Variants in ANKRD29 observed in about 807,000 individuals in gnomAD.
ANKRD29 encodes the protein ankyrin repeat domain-containing protein 29.
ANKRD29 carries 32 observed loss-of-function variants against 38.0 expected under a neutral mutation model. That is an observed-to-expected ratio of 0.84 (90% CI 0.64 to 1.13). The LOEUF (loss-of-function observed/expected upper bound fraction) is 1.13, where lower values mean the gene tolerates loss of function less well. ANKRD29 is among the 50% of genes most tolerant of loss of function. ANKRD29 has a pLI of 0.00. For missense variants in ANKRD29, 357 were observed against 377.9 expected (o/e 0.94, Z 0.46); for synonymous variants, 135 against 152.4 (o/e 0.89, Z 0.84).
At chr18:23,616,307 T>C (rs529634439) in intron 8 of ANKRD29, among the ~76,000 whole-genome samples, 1 of 149,414 alleles carries the variant, frequency 6.7e-6, no homozygotes, top group South Asian at 2.1e-4. Flanking sequence ...GGCAGGAGGA[T>C]TGCTTAAGGC....
chr18:23,601,125 C>CTTT lies in ANKRD29; in HGVS notation c.*98_*100dup. On this transcript the variant is annotated 3_prime_UTR_variant, in exon 10 of 10. Transcript: ENST00000592179. ...CCCACAGGATGGGCATTCTGGGCAT[C>CTTT]TTTTTTTTTCATAAAAGAATTTCCA... The CTTT allele has an allele frequency of 9.4e-7, 1 of 1,064,478 alleles. No individual in the cohort carries two copies. The highest frequency in any genetic ancestry group is 1.4e-6 in the Non-Finnish European group (1 of 732,070). 65.9% of individuals were successfully genotyped at this position (1,064,478 alleles called of 1,614,324 possible).
chr18:23,633,938 A>T, intron 5 of ANKRD29, 113 bp downstream of exon 5: 1 of 1,043,576 alleles, frequency 9.6e-7, no homozygotes, highest in Non-Finnish European at 1.5e-6. Context: ...CTCAGACCCA[A>T]GTCCTACTGT....
At chr18:23,653,829 C>T (rs2060241897) in intron 1 of ANKRD29, among the ~76,000 whole-genome samples, 1 of 152,072 alleles carries the variant, frequency 6.6e-6, no homozygotes, top group Admixed American at 6.5e-5. Flanking sequence ...CCTCAGCCTC[C>T]CAAAGTGCTG....
At chr18:23,623,045 G>T (rs1378976082) in intron 6 of ANKRD29, among the ~76,000 whole-genome samples, 1 of 152,212 alleles carries the variant, frequency 6.6e-6, no homozygotes, top group Non-Finnish European at 1.5e-5. Flanking sequence ...GCTTCGCAGA[G>T]ATAAGTGAGA....
At chr18:23,629,830 C>G in intron 6 of ANKRD29, 23 bp downstream of exon 6, 1 of 1,607,700 alleles carries the variant, frequency 6.2e-7, no homozygotes, top group Non-Finnish European at 8.5e-7. Flanking sequence ...TGTGCTCGGG[C>G]AAATGTCAAC....
rs1240265836 is a variant in ANKRD29, at chr18:23,619,581, C to T, written c.577G>A (p.Val193Met). Residue 193 changes from valine to methionine, a missense_variant, in exon 7 of 10, where the codon GTG becomes ATG. By Grantham distance (21) the Val-to-Met change is conservative. Transcript: ENST00000592179. ...CCGCGCAGCAGCATCACCCGCACCA[C>T]CTCGCTGTGGCCCATCTGGGACGCG... ...WIASQMGHSE[V>M]VRVMLLRGAD... The T allele has an allele frequency of 2.5e-6, 4 of 1,597,664 alleles. No homozygotes were observed. The Admixed American group carries it at 5.0e-5, about 20-fold the overall frequency.
chr18:23,613,749 G>A (rs538089424), intron 8 of ANKRD29, among the ~76,000 whole-genome samples: 4 of 151,438 alleles, frequency 2.6e-5, no homozygotes, highest in East Asian at 2.0e-4. Context: ...ACAGGCGCCC[G>A]CCACACACCC....
chr18:23,636,584 A>C (rs1235865874), intron 4 of ANKRD29, among the ~76,000 whole-genome samples: 1 of 151,306 alleles, frequency 6.6e-6, no homozygotes, highest in Non-Finnish European at 1.5e-5. Context: ...TTAATTAAAA[A>C]AATTTTTTTT....
At chr18:23,638,122 T>C (rs1210795998) in intron 4 of ANKRD29, among the ~76,000 whole-genome samples, 1 of 149,868 alleles carries the variant, frequency 6.7e-6, no homozygotes, top group Admixed American at 6.8e-5. Flanking sequence ...CTCAGCCTCC[T>C]GAGTAGCTGG....
intron 4 of ANKRD29, among the ~76,000 whole-genome samples, chr18:23,635,591 T>G (rs1419994995): frequency 2.0e-5 from 3 of 152,230 alleles, no homozygotes; most frequent in African/African-American, 7.2e-5. Flanking sequence ...ACACATAACC[T>G]GGTTCTAAAA....
chr18:23,662,716 G>T lies in ANKRD29; in HGVS notation c.15C>A (p.Ser5=). 6.8e-7 allele frequency: 1 copy of T among 1,478,394 alleles called. No individual in the cohort carries two copies. Among genetic ancestry groups the T allele is most frequent in the Admixed American group, 2.3e-5 (1 of 43,124 alleles). 91.6% of individuals were successfully genotyped at this position (1,478,394 alleles called of 1,614,324 possible). A position where few individuals can be genotyped will look rare whatever the true frequency, so the allele number is the denominator to read the frequency against. MCRM[S]FKKETPLANA... ...CGGAGTCCCGGTCGCTCACCTTGAA[G>T]GACATCCTGCACATGTCCGCGGCCG... Residue 5 remains serine, a synonymous_variant, in exon 1 of 10, where the codon TCC becomes TCA. Coordinates refer to ENST00000592179, the MANE Select transcript of ANKRD29 (RefSeq NM_173505.4).
At chr18:23,657,708 C>T (rs2060303076) in intron 1 of ANKRD29, among the ~76,000 whole-genome samples, 1 of 152,194 alleles carries the variant, frequency 6.6e-6, no homozygotes, top group African/African-American at 2.4e-5. Flanking sequence ...GTCTGGTTTC[C>T]TTCACTGAAT....
chr18:23,652,474 C>T (rs59528427), intron 1 of ANKRD29, among the ~76,000 whole-genome samples: 4,056 of 152,240 alleles, frequency 0.027, 174 homozygotes, highest in African/African-American at 0.091. Context: ...GACCTCCTTC[C>T]TATCCTCCAT....
intron 1 of ANKRD29, chr18:23,649,612 C>T (rs1384492957): frequency 2.1e-6 from 1 of 469,372 alleles, no homozygotes; most frequent in East Asian, 6.6e-5. Context: ...AAATTTCTCC[C>T]AATTCTGACC....
At chr18:23,632,533 G>GTGTATATATATATATA (rs371646966) in intron 5 of ANKRD29, among the ~76,000 whole-genome samples, 19 of 130,942 alleles carry the variant, frequency 1.5e-4, no homozygotes, top group East Asian at 1.3e-3. Context: ...GTGTGTGTGT[G>GTGTATATATATATATA]TATATATATA....
intron 1 of ANKRD29, among the ~76,000 whole-genome samples, chr18:23,655,701 C>T (rs1163966429): frequency 4.0e-5 from 6 of 151,894 alleles, no homozygotes; most frequent in Non-Finnish European, 7.4e-5. Flanking sequence ...GTGATCTACC[C>T]GCCTCAGCCT....
rs2059771083 is a variant in ANKRD29 at position 23,619,643 on chromosome 18, A to C, written c.529-14T>G. On this transcript the variant is annotated splice_polypyrimidine_tract_variant and intron_variant, in intron 6 of 9. Transcript: ENST00000592179. ...CGCTGTCCCGTCCTGCGGGAAGAGG[A>C]GGCGGCGGCCGCCGTGACTGGGGCG... 6.5e-7 allele frequency: 1 copy of C among 1,540,334 alleles called. No homozygotes were observed.
chr18:23,653,237 G>A (rs2060232821), intron 1 of ANKRD29, among the ~76,000 whole-genome samples: 2 of 152,130 alleles, frequency 1.3e-5, no homozygotes, highest in African/African-American at 4.8e-5. Flanking sequence ...GTATGACTGA[G>A]ATAATTATTC....
In ANKRD29 at chr18:23,600,334, A is replaced by T. The variant is rs2059496367; in HGVS notation, c.*892T>A. Reference sequence around the variant, plus strand: ...CATTTTATCCAAGGACCTCAAAGTCATTCTATCAAGCAGCACGGTGTTGGA... The same window carrying T: ...CATTTTATCCAAGGACCTCAAAGTCTTTCTATCAAGCAGCACGGTGTTGGA... On this transcript the variant is annotated 3_prime_UTR_variant, in exon 10 of 10. Coordinates refer to ENST00000592179, the MANE Select transcript of ANKRD29 (RefSeq NM_173505.4). 2 of 152,234 alleles carry T rather than the reference A, an allele frequency of 1.3e-5. No homozygotes were observed. The highest frequency in any genetic ancestry group is 4.8e-5 in the African/African-American group (2 of 41,472). The allele number at this position is 152,234 out of a possible 1,614,324, so 9.4% of individuals were successfully genotyped here. A position where few individuals can be genotyped will look rare whatever the true frequency, so the allele number is the denominator to read the frequency against.
Sources: gnomAD v4.1 joint callset for allele counts (sites outside exome capture counted in the v4.1 genomes callset) on GRCh38, gnomAD v4.1.1 for gene constraint, MANE v1.5 for transcripts, NCBI Gene and HGNC (gene_info 2026-07-23, HGNC 2026-07-21) for gene names.